ADARB2: variants seen among roughly 807,000 people sequenced by gnomAD.
The protein encoded by ADARB2 is adenosine deaminase RNA specific B2 (inactive).
ADARB2 carries 25 observed loss-of-function variants against 62.2 expected under a neutral mutation model. The ratio of observed to expected loss-of-function variants is 0.40; its 90% CI spans 0.29 to 0.56. ADARB2 has a LOEUF of 0.56. Among genes scored for constraint, ADARB2 ranks in the 20% least tolerant of loss-of-function variants. The probability of loss-of-function intolerance (pLI) is 0.43; values close to 1 mark genes in which losing one functional copy is unlikely to be tolerated. For missense variants in ADARB2, 1,071 were observed against 1,077.4 expected, an observed-to-expected ratio of 0.99 and a Z score of 0.08; for synonymous variants, 572 against 500.8, an observed-to-expected ratio of 1.14 and a Z score of -1.90.
chr10:1,550,073 C>T (rs1832592791), intron 1 of ADARB2, among the ~76,000 whole-genome samples: 1 of 152,206 alleles, frequency 6.6e-6, no homozygotes, highest in Admixed American at 6.5e-5. Context: ...CTACACCCAG[C>T]AGGGCCAAAG....
At chr10:1,681,814 T>A (rs1187363850) in intron 1 of ADARB2, among the ~76,000 whole-genome samples, 3 of 152,122 alleles carry the variant, frequency 2.0e-5, no homozygotes, top group Non-Finnish European at 4.4e-5. Context: ...CCCGGGTGTT[T>A]GGTGTGGCTC....
At chr10:1,623,694 G>T (rs938043395) in intron 1 of ADARB2, among the ~76,000 whole-genome samples, 8 of 152,186 alleles carry the variant, frequency 5.3e-5, no homozygotes, top group Non-Finnish European at 1.0e-4. Context: ...CCTTATTGAA[G>T]ACATTGGAGA....
At chr10:1,598,609 A>G (rs1173830500) in intron 1 of ADARB2, among the ~76,000 whole-genome samples, 6 of 152,122 alleles carry the variant, frequency 3.9e-5, no homozygotes, top group Non-Finnish European at 4.4e-5. Context: ...GCTACACACA[A>G]TTCCGGAAGA....
In ADARB2 at chr10:1,325,268, T is replaced by C. The variant is rs180812748; in HGVS notation, c.1077+37760A>G. On this transcript the variant is annotated intron_variant, in intron 3 of 9. Coordinates refer to ENST00000381312, the MANE Select transcript of ADARB2 (RefSeq NM_018702.4). ...GAGAACATCCCGAACGCTGGGGCCA[T>C]GACAACTTCATGCCGCACCTCTCTT... Among the ~76,000 whole-genome samples, 460 of 152,306 alleles carry C rather than the reference T, an allele frequency of 3.0e-3. 1 individual carries two copies. Among genetic ancestry groups the C allele is most frequent in the African/African-American group, 0.011 (437 of 41,570 alleles).
intron 1 of ADARB2, among the ~76,000 whole-genome samples, chr10:1,552,290 T>G (rs951420897): frequency 6.6e-6 from 1 of 152,078 alleles, no homozygotes; most frequent in African/African-American, 2.4e-5. Flanking sequence ...CAGCCTCGGG[T>G]TTCACTGCAC....
At chr10:1,658,629 C>T (rs1042908837) in intron 1 of ADARB2, among the ~76,000 whole-genome samples, 1 of 152,230 alleles carries the variant, frequency 6.6e-6, no homozygotes, top group African/African-American at 2.4e-5. Context: ...CCCAGCCATA[C>T]AGGACAAGCC....
At chr10:1,567,191 G>C (rs575516884) in intron 1 of ADARB2, among the ~76,000 whole-genome samples, 1 of 152,186 alleles carries the variant, frequency 6.6e-6, no homozygotes, top group African/African-American at 2.4e-5. Context: ...CCCCCACCGA[G>C]AAGCAGACCT....
intron 1 of ADARB2, among the ~76,000 whole-genome samples, chr10:1,419,147 A>T (rs1181530234): frequency 1.3e-5 from 2 of 152,122 alleles, no homozygotes; most frequent in African/African-American, 4.8e-5. Context: ...AGGCTGGAGC[A>T]CAATGGCATG....
At chr10:1,198,911 T>C (rs1185276127) in intron 8 of ADARB2, among the ~76,000 whole-genome samples, 1 of 152,116 alleles carries the variant, frequency 6.6e-6, no homozygotes, top group African/African-American at 2.4e-5. Context: ...AGGGCGTGGT[T>C]GCATTTGTAC....
intron 1 of ADARB2, among the ~76,000 whole-genome samples, chr10:1,651,676 C>A (rs750930917): frequency 3.3e-4 from 50 of 152,228 alleles, no homozygotes; most frequent in Non-Finnish European, 6.8e-4. Flanking sequence ...GGGCACATTT[C>A]GTGCAGAATA....
chr10:1,267,136 TAA>T (rs551410020), intron 4 of ADARB2, among the ~76,000 whole-genome samples: 16 of 129,494 alleles, frequency 1.2e-4, no homozygotes, highest in Non-Finnish European at 1.5e-4. Context: ...AAATCCAAGT[TAA>T]AAAAAAAAAA....
intron 1 of ADARB2, among the ~76,000 whole-genome samples, chr10:1,667,612 TA>T: frequency 6.6e-6 from 1 of 152,326 alleles, no homozygotes; most frequent in Admixed American, 6.5e-5. Flanking sequence ...GTGTTTACCA[TA>T]ATTGGAGGAT....
At chr10:1,653,165 G>C (rs186121504) in intron 1 of ADARB2, among the ~76,000 whole-genome samples, 1 of 152,206 alleles carries the variant, frequency 6.6e-6, no homozygotes, top group East Asian at 1.9e-4. Context: ...GGGTGTCAGC[G>C]TCCAGGGGAA....
At chr10:1,241,436 T>A (rs992343965) in intron 5 of ADARB2, among the ~76,000 whole-genome samples, 5 of 152,136 alleles carry the variant, frequency 3.3e-5, no homozygotes, top group Admixed American at 3.3e-4. Flanking sequence ...GCAGATGGCT[T>A]CAAGGGATGT....
chr10:1,480,239 G>A (rs1166157705), intron 1 of ADARB2, among the ~76,000 whole-genome samples: 1 of 152,168 alleles, frequency 6.6e-6, no homozygotes, highest in Non-Finnish European at 1.5e-5. Flanking sequence ...TGGAAAAAAA[G>A]AATTAAAATT....
At chr10:1,423,406 C>A (rs955653598) in intron 1 of ADARB2, among the ~76,000 whole-genome samples, 4 of 152,234 alleles carry the variant, frequency 2.6e-5, no homozygotes, top group African/African-American at 9.6e-5. Context: ...GAGCACCCGG[C>A]CTTGAGCCTG....
intron 1 of ADARB2, among the ~76,000 whole-genome samples, chr10:1,388,098 A>G (rs537985960): frequency 6.6e-6 from 1 of 152,124 alleles, no homozygotes; most frequent in Non-Finnish European, 1.5e-5. Context: ...ATAAATAAAT[A>G]GAAAGATACA....
At chr10:1,203,756 G>A (rs964889555) in intron 7 of ADARB2, among the ~76,000 whole-genome samples, 9 of 152,202 alleles carry the variant, frequency 5.9e-5, no homozygotes, top group Admixed American at 2.0e-4. Context: ...CAGTTAGGTC[G>A]TGATGCTGGT....
At position 1,352,421 on chromosome 10, in the gene ADARB2, G is replaced by A. The variant is rs149976602; in HGVS notation, c.1077+10607C>T. 3.0e-4 allele frequency among the ~76,000 whole-genome samples: 46 copies of A among 152,154 alleles called. No individual in the cohort carries two copies. The South Asian group carries it at 5.0e-3, about 17-fold the overall frequency. On this transcript the variant is annotated intron_variant, in intron 3 of 9. Transcript: ENST00000381312. ...CTTGAAGACAGCTTTAGAGACTGCC[G>A]CCACCCTAGCTCTCCCTGACTCATC...
Sources: gnomAD v4.1 joint callset for allele counts (sites outside exome capture counted in the v4.1 genomes callset) on GRCh38, gnomAD v4.1.1 for gene constraint, MANE v1.5 for transcripts, NCBI Gene and HGNC (gene_info 2026-07-23, HGNC 2026-07-21) for gene names.